Variants in HOOK1 observed in about 807,000 individuals in gnomAD.
The protein encoded by HOOK1 is hook microtubule tethering protein 1.
Under a neutral mutation model 112.8 loss-of-function variants are expected in HOOK1, and 60 were observed. The observed-to-expected ratio is 0.53, with a 90% CI of 0.43 to 0.66. HOOK1 has a LOEUF of 0.66. Among genes scored for constraint, HOOK1 ranks in the 30% least tolerant of loss-of-function variants. The pLI, the probability that HOOK1 is intolerant of heterozygous loss-of-function variation, is 0.00. For synonymous variants in HOOK1, 294 were observed against 283.8 expected (o/e 1.04, Z -0.36); for missense variants, 770 against 856.0 (o/e 0.90, Z 1.25).
chr1:59,815,397 T>G (rs1031811279), intron 1 of HOOK1: 5 of 583,040 alleles, frequency 8.6e-6, no homozygotes, highest in Non-Finnish European at 1.5e-5. Flanking sequence ...TAAAGGAAGC[T>G]CTGGGAGCGT....
intron 9 of HOOK1, among the ~76,000 whole-genome samples, chr1:59,845,632 T>C (rs1032319317): frequency 1.3e-5 from 2 of 151,894 alleles, no homozygotes; most frequent in African/African-American, 4.8e-5. Context: ...TTTTTCTGCA[T>C]CTTGAAAAGA....
At chr1:59,825,354 T>C (rs1042032378) in intron 2 of HOOK1, among the ~76,000 whole-genome samples, 2 of 152,232 alleles carry the variant, frequency 1.3e-5, no homozygotes, top group Admixed American at 6.5e-5. Flanking sequence ...CTGTTCCTAT[T>C]GTCTTTGACT....
intron 7 of HOOK1, among the ~76,000 whole-genome samples, chr1:59,839,877 T>G (rs1005940200): frequency 1.6e-4 from 25 of 152,302 alleles, no homozygotes; most frequent in African/African-American, 5.8e-4. Context: ...GATACCTAGT[T>G]TTTTGAGAGT....
intron 6 of HOOK1, among the ~76,000 whole-genome samples, chr1:59,836,201 G>T (rs2098397544): frequency 6.6e-6 from 1 of 152,130 alleles, no homozygotes; most frequent in Non-Finnish European, 1.5e-5. Flanking sequence ...AGCTAGTCTA[G>T]TTATCTAAGT....
chr1:59,859,032 C>A lies in HOOK1; in HGVS notation c.1378C>A (p.Pro460Thr). The A allele has an allele frequency of 1.3e-6, 2 of 1,544,704 alleles. No individual in the cohort carries two copies. Among genetic ancestry groups the A allele is most frequent in the Non-Finnish European group, 1.8e-6 (2 of 1,129,636 alleles). The change falls in exon 14 of 22, where the codon CCA becomes ACA. Residue 460 changes from proline to threonine, a missense_variant. This residue lies in a region of HOOK1 where 655 missense variants were observed against 725.9 expected (regional missense o/e 0.90). Transcript: ENST00000371208. ...SYENLAAEIM[P>T]VEYREVFIRL... ...TGAGAATCTTGCTGCTGAGATTATGCCAGTGGAATATAGGTAAATTTGTTT... is the reference window on the plus strand; with the variant it reads ...TGAGAATCTTGCTGCTGAGATTATGACAGTGGAATATAGGTAAATTTGTTT...
At chr1:59,871,145 C>T (rs992068057) in intron 21 of HOOK1, 35 bp downstream of exon 21, 25 of 1,498,830 alleles carry the variant, frequency 1.7e-5, no homozygotes, top group African/African-American at 1.2e-4. Context: ...TGGATGAGAA[C>T]GGTGTTTAAG....
chr1:59,850,007 C>T (rs1355853811), intron 12 of HOOK1, among the ~76,000 whole-genome samples: 1 of 151,412 alleles, frequency 6.6e-6, no homozygotes, highest in African/African-American at 2.4e-5. Context: ...ATATGGTAAC[C>T]AAGTTTAACT....
In HOOK1 at chr1:59,874,947, TAC is replaced by T. The variant is rs377419994; in HGVS notation, c.*1984_*1985del. ...CTGTTGACTACCTCTTAGATTTTGA[TAC>T]AGTTATATTGTTGAGTTTCATTTTC... is the stretch of plus-strand genomic sequence containing the variant. On this transcript the variant is annotated 3_prime_UTR_variant, in exon 22 of 22. Transcript: ENST00000371208. 1.9e-4 allele frequency: 29 copies of T among 152,758 alleles called. No homozygotes were observed. The highest frequency in any genetic ancestry group is 1.8e-3 in the Admixed American group (28 of 15,302). 9.5% of individuals were successfully genotyped at this position (152,758 alleles called of 1,614,324 possible). A position where few individuals can be genotyped will look rare whatever the true frequency, so the allele number is the denominator to read the frequency against.
intron 12 of HOOK1, among the ~76,000 whole-genome samples, chr1:59,855,982 ATATTTTTTTTT>A (rs2098410502): frequency 1.5e-5 from 1 of 64,990 alleles, no homozygotes; most frequent in African/African-American, 7.0e-5. Context: ...ATATATATAT[ATATTTTTTTTT>A]TTTTTTTTTT....
chr1:59,834,434 A>G (rs2098396138), intron 5 of HOOK1, among the ~76,000 whole-genome samples: 2 of 152,232 alleles, frequency 1.3e-5, no homozygotes, highest in Non-Finnish European at 2.9e-5. Context: ...TAGGTGTCAG[A>G]GAATTTTTAT....
intron 12 of HOOK1, among the ~76,000 whole-genome samples, chr1:59,851,426 T>G (rs2098407093): frequency 6.6e-6 from 1 of 151,654 alleles, no homozygotes; most frequent in Non-Finnish European, 1.5e-5. Context: ...CTTTTTGTTG[T>G]TATTTTAAAT....
At chr1:59,841,368 TA>T (rs1373793554) in intron 8 of HOOK1, among the ~76,000 whole-genome samples, 2 of 152,124 alleles carry the variant, frequency 1.3e-5, no homozygotes, top group Non-Finnish European at 2.9e-5. Flanking sequence ...AGTAAATATC[TA>T]AAATGACAGG....
intron 1 of HOOK1, among the ~76,000 whole-genome samples, chr1:59,820,078 A>T (rs2098384470): frequency 6.6e-6 from 1 of 152,150 alleles, no homozygotes; most frequent in Admixed American, 6.5e-5. Context: ...CTTCCTTATT[A>T]CTTTTCAGTG....
At chr1:59,849,536 T>C (rs957141595) in intron 12 of HOOK1, among the ~76,000 whole-genome samples, 1 of 151,646 alleles carries the variant, frequency 6.6e-6, no homozygotes, top group African/African-American at 2.4e-5. Flanking sequence ...TCACAAGTCA[T>C]TGGTTTTTAA....
At chr1:59,870,302 A>G (rs1303826570) in intron 20 of HOOK1, among the ~76,000 whole-genome samples, 1 of 152,346 alleles carries the variant, frequency 6.6e-6, no homozygotes, top group Non-Finnish European at 1.5e-5. Context: ...GTGCGTATTC[A>G]TCTAGACACA....
intron 12 of HOOK1, among the ~76,000 whole-genome samples, chr1:59,856,431 C>A (rs1210884223): frequency 2.7e-5 from 4 of 149,938 alleles, no homozygotes; most frequent in African/African-American, 7.3e-5. Context: ...TTAGTCTAGT[C>A]TGTCTACCCA....
chr1:59,829,027 C>T (rs2098391969), intron 3 of HOOK1, among the ~76,000 whole-genome samples, 175 bp downstream of exon 3: 2 of 152,064 alleles, frequency 1.3e-5, no homozygotes, highest in South Asian at 4.1e-4. Context: ...AGAAAATATT[C>T]CTATTAACCA....
intron 16 of HOOK1, among the ~76,000 whole-genome samples, chr1:59,863,240 C>T (rs762629276): frequency 6.6e-6 from 1 of 152,120 alleles, no homozygotes; most frequent in Non-Finnish European, 1.5e-5. Flanking sequence ...CAGGGCTGGC[C>T]TGAGAAAAAT....
intron 16 of HOOK1, chr1:59,863,849 C>A: frequency 3.1e-6 from 3 of 967,896 alleles, no homozygotes; most frequent in Non-Finnish European, 3.7e-6. Flanking sequence ...ATGGCGGCAT[C>A]TCATATGTGC....
Sources: allele counts gnomAD v4.1 joint callset (sites outside exome capture counted in the v4.1 genomes callset), GRCh38; gene constraint gnomAD v4.1.1; regional missense constraint gnomAD v4.1.1; transcripts MANE v1.5; gene names NCBI Gene and HGNC (gene_info 2026-07-23, HGNC 2026-07-21).